The following AHR variants were observed in gnomAD, a reference collection of about 807,000 sequenced individuals.
The protein encoded by AHR is AH-receptor.
In AHR, 40 loss-of-function variants were observed where a neutral mutation model predicts 86.8. That is an observed-to-expected ratio of 0.46 (90% CI 0.36 to 0.60). The LOEUF (loss-of-function observed/expected upper bound fraction) is 0.60. Among genes scored for constraint, AHR ranks in the 20% least tolerant of loss-of-function variants. The pLI is 0.00. For synonymous variants in AHR, 398 were observed against 354.9 expected (o/e 1.12, Z -1.37); for missense variants, 1,001 against 1,011.6 (o/e 0.99, Z 0.14).
chr7:17,330,015 C>T lies in AHR; in HGVS notation c.514C>T (p.Arg172Cys), dbSNP rs942138458. 2.5e-6 allele frequency: 4 copies of T among 1,610,604 alleles called. No individual in the cohort carries two copies. The highest frequency in any genetic ancestry group is 2.7e-5 in the African/African-American group (2 of 74,768). Residue 172 changes from arginine (R) to cysteine (C), a missense_variant, in exon 5 of 11, where the codon CGT (arginine) becomes TGT (cysteine). This residue lies in a region of AHR where 394 missense variants were observed against 468.5 expected (regional missense o/e 0.84). Coordinates refer to ENST00000242057, the MANE Select transcript of AHR (RefSeq NM_001621.5). Reference protein sequence around the residue: ...IHTEDRAEFQRQLHWALNPSQ... With the variant: ...IHTEDRAEFQCQLHWALNPSQ... ...TACCGAAGACCGAGCTGAATTTCAG[C>T]GTCAGCTACACTGGGCATTAAATCC...
intron 10 of AHR, among the ~76,000 whole-genome samples, chr7:17,340,761 C>T (rs773545959): frequency 4.6e-5 from 7 of 152,132 alleles, no homozygotes; most frequent in Admixed American, 2.0e-4. Flanking sequence ...CAGTCCTAGG[C>T]ACCTCCATGT....
chr7:17,335,777 G>A lies in AHR; in HGVS notation c.1151G>A (p.Arg384Lys). 1 of 1,612,248 alleles carries A rather than the reference G, an allele frequency of 6.2e-7. No individual in the cohort carries two copies. The highest frequency in any genetic ancestry group is 8.5e-7 in the Non-Finnish European group (1 of 1,179,256). The change falls in exon 9 of 11, where the codon AGA becomes AAA. Residue 384 changes from arginine to lysine, a missense_variant. This residue lies in a region of AHR where 394 missense variants were observed against 468.5 expected (regional missense o/e 0.84). Coordinates refer to ENST00000242057, the MANE Select transcript of AHR (RefSeq NM_001621.5). Reference sequence around the variant, plus strand: ...CCAGATTATATCATTGTAACTCAGAGACCACTAACGTAAGCACAAATAATG... The same window carrying A: ...CCAGATTATATCATTGTAACTCAGAAACCACTAACGTAAGCACAAATAATG... ...GRPDYIIVTQ[R>K]PLTDEEGTEH...
intron 10 of AHR, among the ~76,000 whole-genome samples, chr7:17,341,084 T>C (rs1782418727): frequency 6.6e-6 from 1 of 152,196 alleles, no homozygotes; most frequent in South Asian, 2.1e-4. Flanking sequence ...TAGTTCATTT[T>C]AAAGTATATT....
intron 9 of AHR, among the ~76,000 whole-genome samples, chr7:17,338,118 G>C (rs1782374818): frequency 6.7e-6 from 1 of 148,858 alleles, no homozygotes; most frequent in South Asian, 2.1e-4. Context: ...AGAATGGCGT[G>C]AACCCGGGAG....
rs926454332 is a variant in AHR, at chr7:17,322,712, G to A, written c.360+105G>A. 3.8e-6 allele frequency: 3 copies of A among 792,640 alleles called. No homozygotes were observed. In the South Asian group the frequency reaches 5.4e-5, roughly 14 times the overall value. The allele number at this position is 792,640 out of a possible 1,614,324, so 49.1% of individuals were successfully genotyped here. ...CCTGTTTACTTAGGATTTGCTCAAT[G>A]TTTTTTGCCACTTTCATCTGAACTG... On this transcript the variant is annotated intron_variant, in intron 3 of 10. Transcript: ENST00000242057.
At chr7:17,302,039 CA>C (rs1265106003) in intron 1 of AHR, among the ~76,000 whole-genome samples, 2 of 151,782 alleles carry the variant, frequency 1.3e-5, no homozygotes, top group Non-Finnish European at 2.9e-5. Context: ...TGAAGATAGT[CA>C]AAAAGGCCAT....
rs1456183945 is a variant in AHR, at chr7:17,344,657, T to C, written c.*1593T>C. On this transcript the variant is annotated 3_prime_UTR_variant, in exon 11 of 11. Transcript: ENST00000242057. Reference sequence around the variant, plus strand: ...TTTTTTTTTTTTTTTTGAGAGAGAGTCTTACTCTGCCGCCCAAACTGGAGT... The same window carrying C: ...TTTTTTTTTTTTTTTTGAGAGAGAGCCTTACTCTGCCGCCCAAACTGGAGT... 2.8e-5 allele frequency: 4 copies of C among 142,574 alleles called. No individual in the cohort carries two copies. In the Admixed American group the frequency reaches 2.9e-4, roughly 10 times the overall value. 8.8% of individuals were successfully genotyped at this position (142,574 alleles called of 1,614,324 possible).
chr7:17,322,722 A>C (rs1355144713), intron 3 of AHR, 115 bp downstream of exon 3: 11 of 716,432 alleles, frequency 1.5e-5, no homozygotes, highest in East Asian at 1.1e-4. Flanking sequence ...GTTTTTTGCC[A>C]CTTTCATCTG....
At chr7:17,327,882 T>G (rs746795826) in intron 4 of AHR, 34 bp downstream of exon 4, 1 of 952,942 alleles carries the variant, frequency 1.0e-6, no homozygotes, top group South Asian at 3.2e-5. Flanking sequence ...TTTATATTAT[T>G]ATATCATTTA....
At chr7:17,303,514 T>C (rs1337288409) in intron 1 of AHR, among the ~76,000 whole-genome samples, 2 of 152,088 alleles carry the variant, frequency 1.3e-5, no homozygotes, top group African/African-American at 2.4e-5. Flanking sequence ...CTTGTGTTTT[T>C]ACGTCCTTTC....
intron 2 of AHR, 37 bp downstream of exon 2, chr7:17,310,160 A>G (rs1236194197): frequency 1.1e-5 from 17 of 1,557,364 alleles, no homozygotes; most frequent in Admixed American, 1.7e-5. Context: ...ACAATAACGT[A>G]TAAAAAATAC....
At chr7:17,308,717 A>G (rs1167464077) in intron 1 of AHR, among the ~76,000 whole-genome samples, 1 of 152,108 alleles carries the variant, frequency 6.6e-6, no homozygotes, top group East Asian at 1.9e-4. Flanking sequence ...ACACACACAC[A>G]CACACACACA....
intron 10 of AHR, among the ~76,000 whole-genome samples, chr7:17,341,991 G>A (rs945525795): frequency 1.3e-5 from 2 of 152,062 alleles, no homozygotes; most frequent in African/African-American, 4.8e-5. Flanking sequence ...AGAATTTACA[G>A]TGTTGCCATT....
intron 3 of AHR, 134 bp downstream of exon 3, chr7:17,322,741 T>C: frequency 1.6e-6 from 1 of 632,684 alleles, no homozygotes; most frequent in Non-Finnish European, 2.8e-6. Flanking sequence ...TGAACTGCGA[T>C]AGTGAATGAT....
At chr7:17,322,853 A>G (rs117052117) in intron 3 of AHR, among the ~76,000 whole-genome samples, 1,612 of 152,120 alleles carry the variant, frequency 0.011, 14 homozygotes, top group Middle Eastern at 0.037. Context: ...AGATTATACC[A>G]TATTTTTTAC....
At chr7:17,328,881 T>C (rs913943090) in intron 4 of AHR, among the ~76,000 whole-genome samples, 1 of 151,956 alleles carries the variant, frequency 6.6e-6, no homozygotes, top group Non-Finnish European at 1.5e-5. Context: ...ATGACTAAAG[T>C]AGTGGTATCT....
In AHR at chr7:17,344,528, T is replaced by A. The variant is rs995007231; in HGVS notation, c.*1464T>A. 1 of 152,652 alleles carries A rather than the reference T, an allele frequency of 6.6e-6. No homozygotes were observed. The highest frequency in any genetic ancestry group is 2.4e-5 in the African/African-American group (1 of 41,426). 9.5% of individuals were successfully genotyped at this position (152,652 alleles called of 1,614,324 possible). A position where few individuals can be genotyped will look rare whatever the true frequency, so the allele number is the denominator to read the frequency against. On this transcript the variant is annotated 3_prime_UTR_variant, in exon 11 of 11. Transcript: ENST00000242057. ...TTTACCTTCAAACTTTAGGTTTTTT[T>A]AATGATATACTGATCTTCATTACCA...
At chr7:17,319,368 A>T (rs1267728195) in intron 2 of AHR, among the ~76,000 whole-genome samples, 2 of 152,094 alleles carry the variant, frequency 1.3e-5, no homozygotes, top group Admixed American at 1.3e-4. Context: ...AAAGGTAGTT[A>T]GCAAAGTGGG....
intron 1 of AHR, among the ~76,000 whole-genome samples, chr7:17,301,068 T>A (rs534294705): frequency 2.1e-4 from 32 of 152,236 alleles, no homozygotes; most frequent in African/African-American, 7.5e-4. Context: ...TTTAATATAC[T>A]TGTATTAATT....
Sources: gnomAD v4.1 joint callset for allele counts (sites outside exome capture counted in the v4.1 genomes callset) on GRCh38, gnomAD v4.1.1 for gene constraint, gnomAD v4.1.1 regional missense constraint, MANE v1.5 for transcripts, NCBI Gene and HGNC (gene_info 2026-07-23, HGNC 2026-07-21) for gene names.